The following TMEM45A variants were observed in gnomAD, a reference collection of about 807,000 sequenced individuals.
TMEM45A encodes transmembrane protein 45A.
Under a neutral mutation model 32.0 loss-of-function variants are expected in TMEM45A, and 25 were observed. The observed-to-expected ratio is 0.78, with a 90% CI of 0.57 to 1.09. The LOEUF is 1.09. Among genes scored for constraint, TMEM45A ranks in the 50% least tolerant of loss-of-function variants. The pLI, the probability that TMEM45A is intolerant of heterozygous loss-of-function variation, is 0.00. For missense variants in TMEM45A, 302 were observed against 325.0 expected (o/e 0.93, Z 0.54); for synonymous variants, 122 against 114.8 (o/e 1.06, Z -0.40).
At chr3:100,560,280 A>C (rs986375021) in intron 4 of TMEM45A, among the ~76,000 whole-genome samples, 31 of 140,822 alleles carry the variant, frequency 2.2e-4, no homozygotes, top group African/African-American at 8.4e-4. Flanking sequence ...TTTTTGAGTT[A>C]GATGCTGATC....
intron 1 of TMEM45A, among the ~76,000 whole-genome samples, chr3:100,540,117 T>A (rs950224481): frequency 6.6e-6 from 1 of 152,190 alleles, no homozygotes; most frequent in Non-Finnish European, 1.5e-5. Flanking sequence ...TTAGATTTCA[T>A]TAAAATTTAA....
chr3:100,495,899 T>C (rs1165580509), intron 1 of TMEM45A, among the ~76,000 whole-genome samples: 3 of 152,224 alleles, frequency 2.0e-5, no homozygotes, highest in Non-Finnish European at 4.4e-5. Context: ...ACGCCCATAG[T>C]GTATGCCGAG....
intron 1 of TMEM45A, among the ~76,000 whole-genome samples, chr3:100,549,074 C>A (rs1706036657): frequency 6.6e-6 from 1 of 151,898 alleles, no homozygotes; most frequent in African/African-American, 2.4e-5. Context: ...ATGGTAAAAC[C>A]CCATGTCTAC....
intron 1 of TMEM45A, among the ~76,000 whole-genome samples, chr3:100,503,194 C>G (rs62276527): frequency 0.41 from 62,464 of 152,000 alleles, 13,412 homozygotes; most frequent in Middle Eastern, 0.47. Flanking sequence ...CAGCCTCCGC[C>G]TACTGGGTTC....
intron 5 of TMEM45A, among the ~76,000 whole-genome samples, chr3:100,569,657 A>G (rs770879795): frequency 6.6e-5 from 10 of 152,202 alleles, no homozygotes; most frequent in Non-Finnish European, 1.2e-4. Flanking sequence ...TAAGCTTAGG[A>G]CATAATAAGA....
intron 2 of TMEM45A, 61 bp from the exon 3 acceptor site, chr3:100,556,699 T>C: frequency 1.4e-6 from 2 of 1,449,452 alleles, no homozygotes; most frequent in Admixed American, 3.9e-5. Context: ...CTAGTCCTCC[T>C]GCATCTTCTT....
In TMEM45A at chr3:100,576,069, T is replaced by C. The variant is rs1015272743; in HGVS notation, c.735-856T>C. Among the ~76,000 whole-genome samples the C allele has an allele frequency of 3.3e-5, 5 of 152,156 alleles. No homozygotes were observed. In the East Asian group the frequency reaches 9.7e-4, roughly 29 times the overall value. On this transcript the variant is annotated intron_variant, in intron 5 of 5. Coordinates refer to ENST00000323523, the MANE Select transcript of TMEM45A (RefSeq NM_018004.3). ...GGCTCATGCCTATAATCGGAGCACTTTGGGAGGCTGAGGCGGTCAGATCAC... is the reference window on the plus strand; with the variant it reads ...GGCTCATGCCTATAATCGGAGCACTCTGGGAGGCTGAGGCGGTCAGATCAC...
At chr3:100,576,219 G>A (rs907145871) in intron 5 of TMEM45A, among the ~76,000 whole-genome samples, 10 of 152,166 alleles carry the variant, frequency 6.6e-5, no homozygotes, top group African/African-American at 2.4e-4. Context: ...GGGAGGCCGA[G>A]GCAGGTGGAT....
At chr3:100,507,911 G>C (rs937232016) in intron 1 of TMEM45A, among the ~76,000 whole-genome samples, 1 of 151,224 alleles carries the variant, frequency 6.6e-6, no homozygotes, top group African/African-American at 2.4e-5. Context: ...AGAGACATCT[G>C]TTATTCACCT....
chr3:100,562,708 A>C (rs1706359478), intron 4 of TMEM45A, among the ~76,000 whole-genome samples: 2 of 152,218 alleles, frequency 1.3e-5, no homozygotes, highest in Non-Finnish European at 2.9e-5. Flanking sequence ...ATCACCATAG[A>C]TAATATGTTC....
At chr3:100,553,434 A>G (rs1218484628) in intron 1 of TMEM45A, among the ~76,000 whole-genome samples, 1 of 152,202 alleles carries the variant, frequency 6.6e-6, no homozygotes, top group Admixed American at 6.5e-5. Context: ...AATCCCTGCA[A>G]GTGGGCTTCC....
intron 1 of TMEM45A, among the ~76,000 whole-genome samples, chr3:100,526,522 CT>C (rs11285587): frequency 0.31 from 47,123 of 151,984 alleles, 9,175 homozygotes; most frequent in African/African-American, 0.51. Context: ...CTGTGGGAAC[CT>C]TTTCAAGAAG....
intron 1 of TMEM45A, among the ~76,000 whole-genome samples, chr3:100,539,958 C>T (rs953810147): frequency 2.6e-5 from 4 of 151,974 alleles, no homozygotes; most frequent in Admixed American, 2.6e-4. Context: ...TAAACATTAA[C>T]TCAAAATGGA....
intron 1 of TMEM45A, among the ~76,000 whole-genome samples, chr3:100,501,415 A>C (rs571542756): frequency 1.6e-4 from 24 of 152,298 alleles, no homozygotes; most frequent in South Asian, 2.1e-4. Flanking sequence ...AGAACCATGG[A>C]TCTAGTGGGA....
chr3:100,577,228 A>G lies in TMEM45A; in HGVS notation c.*210A>G, dbSNP rs1023369471. ...GGGTGATACTTTCATTTTGCACATC[A>G]TGCACATCATGGTATTCAGGGGCTA... On this transcript the variant is annotated 3_prime_UTR_variant, in exon 6 of 6. Transcript: ENST00000323523. The G allele has an allele frequency of 2.4e-5, 11 of 453,632 alleles. No individual in the cohort carries two copies. The highest frequency in any genetic ancestry group is 2.3e-5 in the Non-Finnish European group (6 of 256,078). 28.1% of individuals were successfully genotyped at this position (453,632 alleles called of 1,614,324 possible). A position where few individuals can be genotyped will look rare whatever the true frequency, so the allele number is the denominator to read the frequency against.
chr3:100,519,722 TGCA>T (rs1183347468), intron 1 of TMEM45A: 37 of 1,077,486 alleles, frequency 3.4e-5, no homozygotes, highest in Non-Finnish European at 5.1e-5. Flanking sequence ...TATGACATTG[TGCA>T]AGTAACTTAT....
intron 1 of TMEM45A, among the ~76,000 whole-genome samples, chr3:100,519,866 G>T (rs544312349): frequency 6.6e-6 from 1 of 152,158 alleles, no homozygotes; most frequent in Non-Finnish European, 1.5e-5. Flanking sequence ...GAAGATATGT[G>T]CCTTAAATGC....
At chr3:100,524,848 T>C (rs1444296009) in intron 1 of TMEM45A, among the ~76,000 whole-genome samples, 2 of 152,100 alleles carry the variant, frequency 1.3e-5, no homozygotes, top group African/African-American at 4.8e-5. Context: ...AAATTCCTAG[T>C]ATGTGGTCTT....
At chr3:100,504,252 A>C (rs529312284) in intron 1 of TMEM45A, among the ~76,000 whole-genome samples, 4 of 151,326 alleles carry the variant, frequency 2.6e-5, no homozygotes, top group African/African-American at 7.3e-5. Flanking sequence ...ATTTTTATAA[A>C]AAAAAAAAAA....
Sources: allele counts gnomAD v4.1 joint callset (sites outside exome capture counted in the v4.1 genomes callset), GRCh38; gene constraint gnomAD v4.1.1; transcripts MANE v1.5; gene names NCBI Gene and HGNC (gene_info 2026-07-23, HGNC 2026-07-21).